The following RNF144A variants were observed in gnomAD, a reference collection of about 807,000 sequenced individuals.
The protein encoded by RNF144A is E3 ubiquitin-protein ligase RNF144A.
RNF144A carries 11 observed loss-of-function variants against 38.7 expected under a neutral mutation model. The observed-to-expected ratio is 0.28, with a 90% CI of 0.18 to 0.47. The LOEUF (loss-of-function observed/expected upper bound fraction) is 0.47. RNF144A is among the 20% of genes least tolerant of loss of function. The pLI is 0.99. For synonymous variants in RNF144A, 149 were observed against 143.9 expected, an observed-to-expected ratio of 1.04 and a Z score of -0.25; for missense variants, 316 against 377.2, an observed-to-expected ratio of 0.84 and a Z score of 1.34.
At chr2:7,022,748 A>G (rs454999) in intron 6 of RNF144A, among the ~76,000 whole-genome samples, 49,264 of 152,086 alleles carry the variant, frequency 0.32, 8,933 homozygotes, top group Middle Eastern at 0.41. Context: ...AGTCATTCTC[A>G]GAAGGAGGCC....
chr2:6,938,810 A>G (rs1016395731), intron 1 of RNF144A, among the ~76,000 whole-genome samples: 1 of 152,116 alleles, frequency 6.6e-6, no homozygotes, highest in Non-Finnish European at 1.5e-5. Flanking sequence ...TCGACCTTGC[A>G]TGTGAGTGGT....
intron 2 of RNF144A, among the ~76,000 whole-genome samples, chr2:6,975,527 A>G (rs1285073994): frequency 1.3e-5 from 2 of 152,194 alleles, no homozygotes; most frequent in African/African-American, 4.8e-5. Context: ...CTTCAATGAA[A>G]ATCTTGGATA....
At position 7,062,481 on chromosome 2, in the gene RNF144A, A is replaced by G. The variant is rs544317226; in HGVS notation, c.735-5735A>G. 4.1e-5 allele frequency among the ~76,000 whole-genome samples: 6 copies of G among 146,582 alleles called. No homozygotes were observed. The East Asian group carries it at 1.0e-3, about 25-fold the overall frequency. Reference sequence around the variant, plus strand: ...TAATCAAGTACAGATGTGTTTTGAGAAATAGTGCTGGGTGCTAAAAAAAAA... The same window carrying G: ...TAATCAAGTACAGATGTGTTTTGAGGAATAGTGCTGGGTGCTAAAAAAAAA... On this transcript the variant is annotated intron_variant, in intron 6 of 6. Transcript: ENST00000432850.
the RNF144A span, among the ~76,000 whole-genome samples, chr2:7,073,983 C>T: frequency 6.6e-6 from 1 of 152,214 alleles, no homozygotes; most frequent in African/African-American, 2.4e-5. Context: ...GTTTATCATC[C>T]CCCTTACTTG....
chr2:6,992,125 G>A (rs3821335), intron 2 of RNF144A, among the ~76,000 whole-genome samples: 38,509 of 152,136 alleles, frequency 0.25, 5,727 homozygotes, highest in Non-Finnish European at 0.34. Context: ...GGTGGGCTTC[G>A]ACCCACACAG....
At chr2:6,923,998 C>T (rs941957629) in intron 1 of RNF144A, among the ~76,000 whole-genome samples, 1 of 152,154 alleles carries the variant, frequency 6.6e-6, no homozygotes, top group Non-Finnish European at 1.5e-5. Flanking sequence ...ATAGAGAAAC[C>T]TGGTTCAAGA....
chr2:6,956,071 C>T (rs926981546), intron 2 of RNF144A, among the ~76,000 whole-genome samples: 1 of 152,194 alleles, frequency 6.6e-6, no homozygotes, highest in African/African-American at 2.4e-5. Flanking sequence ...TTCAAGCCCT[C>T]TGGGACCTTT....
chr2:6,924,891 C>T (rs956322572), intron 1 of RNF144A, among the ~76,000 whole-genome samples: 2 of 152,240 alleles, frequency 1.3e-5, no homozygotes, highest in Admixed American at 1.3e-4. Context: ...TGTGCACTCA[C>T]AAGCATAACA....
chr2:7,039,664 C>G lies in RNF144A; in HGVS notation c.783C>G (p.Leu261=). 6.2e-7 allele frequency: 1 copy of G among 1,614,114 alleles called. No homozygotes were observed. Among genetic ancestry groups the G allele is most frequent in the Non-Finnish European group, 8.5e-7 (1 of 1,180,006 alleles). Residue 261 remains leucine, a synonymous_variant, in exon 9 of 9, where the codon CTC becomes CTG. Transcript: ENST00000320892. The part of the protein sequence containing the change: ...VGIFAGFGLL[L]LVASPFLLLA... ...TTTTTGCAGGATTTGGGCTGCTGCT[C>G]TTGGTGGCCTCACCTTTCCTACTCC...
intron 6 of RNF144A, among the ~76,000 whole-genome samples, chr2:7,066,690 A>G (rs1047770882): frequency 3.9e-5 from 6 of 152,212 alleles, no homozygotes; most frequent in African/African-American, 1.4e-4. Context: ...TGGAGTCAAT[A>G]AAGCCTCTTG....
At position 6,928,084 on chromosome 2, in the gene RNF144A, A is replaced by T. The variant is rs143153663; in HGVS notation, c.-212+10462A>T. On this transcript the variant is annotated intron_variant, in intron 1 of 8. Transcript: ENST00000320892. The stretch of plus-strand genomic sequence containing the variant: ...TTGAGGTTAGTTATGGATGGTTCAG[A>T]CTCTTGTCCCACTTGCCCTGTTTGG... Among the ~76,000 whole-genome samples the T allele has an allele frequency of 1.3e-4, 20 of 151,898 alleles. No individual in the cohort carries two copies. In the East Asian group the frequency reaches 3.9e-3, roughly 29 times the overall value.
intron 2 of RNF144A, among the ~76,000 whole-genome samples, chr2:6,954,281 T>C (rs1470967953): frequency 6.6e-6 from 1 of 152,180 alleles, no homozygotes; most frequent in East Asian, 1.9e-4. Context: ...TCTTTTTTTC[T>C]TTTATAATTT....
intron 6 of RNF144A, among the ~76,000 whole-genome samples, chr2:7,058,422 A>T (rs990327025): frequency 6.6e-6 from 1 of 152,096 alleles, no homozygotes; most frequent in African/African-American, 2.4e-5. Context: ...AGAAATATCT[A>T]GAATAGTATA....
chr2:6,981,521 C>T (rs1558403040), intron 2 of RNF144A, among the ~76,000 whole-genome samples: 1 of 152,166 alleles, frequency 6.6e-6, no homozygotes, highest in Non-Finnish European at 1.5e-5. Context: ...GGGGAAAATG[C>T]CACCAGTCTC....
chr2:6,917,457 G>C lies in RNF144A; in HGVS notation c.-377G>C, dbSNP rs1217420696. ...CGCCCGCGCAGCCGCTTCTCCCCGC[G>C]CGGGCTCTCGGCAGGCGGGAGGCGG... On this transcript the variant is annotated 5_prime_UTR_variant, in exon 1 of 9. Transcript: ENST00000320892. This position sits in a 1 kb window ranked among gnomAD's most constrained non-coding sequence, Gnocchi z 4.8. 2.0e-5 allele frequency: 3 copies of C among 146,918 alleles called. No individual in the cohort carries two copies. Among genetic ancestry groups the C allele is most frequent in the African/African-American group, 4.9e-5 (2 of 40,894 alleles). 9.1% of individuals were successfully genotyped at this position (146,918 alleles called of 1,614,324 possible). A position where few individuals can be genotyped will look rare whatever the true frequency, so the allele number is the denominator to read the frequency against.
intron 2 of RNF144A, among the ~76,000 whole-genome samples, chr2:6,985,647 A>T (rs1333218446): frequency 6.6e-6 from 1 of 152,250 alleles, no homozygotes; most frequent in Non-Finnish European, 1.5e-5. Flanking sequence ...GATCGGTATC[A>T]ATGGGGTTTT....
chr2:7,059,963 G>T (rs555456181), intron 6 of RNF144A, among the ~76,000 whole-genome samples: 3 of 152,344 alleles, frequency 2.0e-5, no homozygotes, highest in African/African-American at 7.2e-5. Context: ...ATAAGGGCTT[G>T]TTTGTGTAGC....
chr2:7,029,140 G>C (rs571378802), intron 7 of RNF144A, among the ~76,000 whole-genome samples: 333 of 152,348 alleles, frequency 2.2e-3, no homozygotes, highest in African/African-American at 7.0e-3. Flanking sequence ...GGCGCATTGG[G>C]CCCTGTGTTT....
intron 3 of RNF144A, among the ~76,000 whole-genome samples, chr2:7,010,342 A>G (rs912910935): frequency 6.6e-6 from 1 of 152,098 alleles, no homozygotes; most frequent in African/African-American, 2.4e-5. Flanking sequence ...TTTGCTCCCA[A>G]CCACTGTTCA....
Sources: allele counts gnomAD v4.1 joint callset (sites outside exome capture counted in the v4.1 genomes callset), GRCh38; gene constraint gnomAD v4.1.1; non-coding constraint Gnocchi (gnomAD v3.1); transcripts MANE v1.5; gene names NCBI Gene and HGNC (gene_info 2026-07-23, HGNC 2026-07-21).